The following FRAS1 variants were observed in gnomAD, a reference collection of about 807,000 sequenced individuals.
FRAS1 encodes extracellular matrix organizing protein FRAS1.
FRAS1 carries 290 observed loss-of-function variants against 435.2 expected under a neutral mutation model. The observed-to-expected ratio is 0.67, with a 90% confidence interval of 0.61 to 0.73. The LOEUF (loss-of-function observed/expected upper bound fraction) is 0.73, where lower values mean the gene tolerates loss of function less well. FRAS1 is among the 30% of genes least tolerant of loss of function. The pLI, the probability that FRAS1 is intolerant of heterozygous loss-of-function variation, is 0.00. For missense variants in FRAS1, 4,860 were observed against 5,001.5 expected, an observed-to-expected ratio of 0.97 and a Z score of 0.85; for synonymous variants, 1,800 against 1,851.0, an observed-to-expected ratio of 0.97 and a Z score of 0.71.
At chr4:78,469,657 G>A (rs1376968420) in intron 50 of FRAS1, among the ~76,000 whole-genome samples, 1 of 151,614 alleles carries the variant, frequency 6.6e-6, no homozygotes, top group African/African-American at 2.4e-5. Context: ...TCCCAAGGCA[G>A]TATCGAACTC....
At chr4:78,305,020 C>T (rs1009447617) in intron 14 of FRAS1, among the ~76,000 whole-genome samples, 1 of 152,236 alleles carries the variant, frequency 6.6e-6, no homozygotes, top group Non-Finnish European at 1.5e-5. Flanking sequence ...TTTCCCTCTA[C>T]ACACTGCTTT....
intron 18 of FRAS1, among the ~76,000 whole-genome samples, chr4:78,326,516 A>G (rs1261101927): frequency 6.6e-6 from 1 of 152,184 alleles, no homozygotes; most frequent in Non-Finnish European, 1.5e-5. Context: ...CATTAAGTGC[A>G]TATAGGATGA....
intron 38 of FRAS1, among the ~76,000 whole-genome samples, chr4:78,436,520 A>G (rs1254302817): frequency 6.6e-6 from 1 of 152,250 alleles, no homozygotes; most frequent in Non-Finnish European, 1.5e-5. Context: ...AAGAATGTTC[A>G]TAGCACTACT....
At chr4:78,136,447 G>A (rs186215295) in intron 2 of FRAS1, among the ~76,000 whole-genome samples, 154 of 152,194 alleles carry the variant, frequency 1.0e-3, no homozygotes, top group African/African-American at 3.6e-3. Flanking sequence ...TCTCAATTAC[G>A]GAATCCATGC....
chr4:78,374,310 G>A (rs376892766), intron 25 of FRAS1, 59 bp downstream of exon 25: 27 of 1,473,156 alleles, frequency 1.8e-5, no homozygotes, highest in African/African-American at 1.8e-4. Context: ...TAAGTCACAT[G>A]TGCTGACTCT....
chr4:78,538,919 C>CACT lies in FRAS1; in HGVS notation c.11299-374_11299-372dup, dbSNP rs745402397. Among the ~76,000 whole-genome samples, 169 of 148,776 alleles carry CACT rather than the reference C, an allele frequency of 1.1e-3. 1 individual carries two copies. The highest frequency in any genetic ancestry group is 2.4e-3 in the Non-Finnish European group (160 of 67,580). On this transcript the variant is annotated intron_variant, in intron 72 of 73. Transcript: ENST00000512123. ...GCAGTGAGCTGAGATCGCGCCACTG[C>CACT]ACTCCAGCCTGGGCGACAGAGCAAG...
At chr4:78,341,403 A>G (rs970214912) in intron 20 of FRAS1, among the ~76,000 whole-genome samples, 1 of 152,192 alleles carries the variant, frequency 6.6e-6, no homozygotes, top group Non-Finnish European at 1.5e-5. Flanking sequence ...GTGAAGAGAA[A>G]GATCTGCGGA....
chr4:78,195,493 C>T (rs533188962), intron 2 of FRAS1, among the ~76,000 whole-genome samples: 14 of 152,342 alleles, frequency 9.2e-5, no homozygotes, highest in South Asian at 2.1e-4. Context: ...CCTCCAGCCT[C>T]GCTGCCACCT....
chr4:78,411,246 G>T (rs1733324168), intron 31 of FRAS1, among the ~76,000 whole-genome samples: 1 of 151,856 alleles, frequency 6.6e-6, no homozygotes, highest in African/African-American at 2.4e-5. Flanking sequence ...GAGTAGCTGG[G>T]ATTATAGGTG....
At chr4:78,432,686 A>G in intron 38 of FRAS1, 82 bp downstream of exon 38, 1 of 1,444,030 alleles carries the variant, frequency 6.9e-7, no homozygotes, top group African/African-American at 1.4e-5. Flanking sequence ...CCATGGCTGA[A>G]TATTTGGGGC....
At chr4:78,208,231 C>G (rs1439179694) in intron 2 of FRAS1, among the ~76,000 whole-genome samples, 1 of 152,088 alleles carries the variant, frequency 6.6e-6, no homozygotes, top group East Asian at 1.9e-4. Context: ...AAGCTACATC[C>G]TTAGAAAAAG....
At chr4:78,537,668 C>T (rs750732440) in intron 72 of FRAS1, among the ~76,000 whole-genome samples, 1 of 152,130 alleles carries the variant, frequency 6.6e-6, no homozygotes, top group South Asian at 2.1e-4. Flanking sequence ...AGAGGCAGGG[C>T]GTGGTGGCTC....
At chr4:78,384,907 C>CAAA (rs11315732) in intron 28 of FRAS1, among the ~76,000 whole-genome samples, 18 of 101,700 alleles carry the variant, frequency 1.8e-4, no homozygotes, top group African/African-American at 4.3e-4. Context: ...GACCCTGTCT[C>CAAA]AAAAAAAAAA....
chr4:78,383,064 T>G (rs140585178), intron 27 of FRAS1, among the ~76,000 whole-genome samples: 3,578 of 152,306 alleles, frequency 0.023, 158 homozygotes, highest in African/African-American at 0.08. Flanking sequence ...TAGTCCTATA[T>G]CTTACCATTC....
intron 40 of FRAS1, 23 bp downstream of exon 40, chr4:78,439,087 A>G: frequency 6.3e-7 from 1 of 1,594,046 alleles, no homozygotes; most frequent in Non-Finnish European, 8.6e-7. Context: ...CAGATCAATA[A>G]ACAGTGAGTA....
intron 2 of FRAS1, among the ~76,000 whole-genome samples, chr4:78,164,868 C>G (rs1721275441): frequency 6.6e-6 from 1 of 152,128 alleles, no homozygotes; most frequent in Non-Finnish European, 1.5e-5. Context: ...GAATCTATTC[C>G]TAAAGTTTTC....
intron 6 of FRAS1, among the ~76,000 whole-genome samples, chr4:78,260,427 T>C (rs1726029145): frequency 6.6e-6 from 1 of 152,220 alleles, no homozygotes; most frequent in South Asian, 2.1e-4. Context: ...ATATCCCTTG[T>C]AAGTTGGATT....
chr4:78,097,102 G>T (rs1741851651), intron 2 of FRAS1, among the ~76,000 whole-genome samples: 1 of 152,056 alleles, frequency 6.6e-6, no homozygotes, highest in Non-Finnish European at 1.5e-5. Flanking sequence ...CAAGTTCAAG[G>T]TTTCACAAAT....
Position 78,295,806 on chromosome 4 carries a change from G to A in FRAS1, c.1534+9267G>A, listed in dbSNP as rs1047944686. ...GTCACCCAGGCTGTAGTACAGTGGC[G>A]CAATCTTGGCTCACTGTAACCTCCG... On this transcript the variant is annotated intron_variant, in intron 14 of 73. Transcript: ENST00000512123. 1.1e-4 allele frequency among the ~76,000 whole-genome samples: 17 copies of A among 150,662 alleles called. 1 individual carries two copies. Among genetic ancestry groups the A allele is most frequent in the Admixed American group, 3.3e-4 (5 of 15,138 alleles).
Sources: gnomAD v4.1 joint callset for allele counts (sites outside exome capture counted in the v4.1 genomes callset) on GRCh38, gnomAD v4.1.1 for gene constraint, MANE v1.5 for transcripts, NCBI Gene and HGNC (gene_info 2026-07-23, HGNC 2026-07-21) for gene names.